The following MAGI2 variants were observed in gnomAD, a reference collection of about 807,000 sequenced individuals.
MAGI2 encodes membrane associated guanylate kinase, WW and PDZ domain containing 2.
MAGI2 carries 35 observed loss-of-function variants against 133.3 expected under a neutral mutation model. That is an observed-to-expected ratio of 0.26 (90% CI 0.20 to 0.35). MAGI2 has a LOEUF of 0.35. MAGI2 is among the 10% of genes least tolerant of loss of function. MAGI2 has a pLI of 1.00. For synonymous variants in MAGI2, 729 were observed against 710.6 expected (o/e 1.03, Z -0.41); for missense variants, 1,636 against 1,863.4 (o/e 0.88, Z 2.25).
At chr7:78,231,139 T>G (rs1032985805) in intron 10 of MAGI2, among the ~76,000 whole-genome samples, 33 of 152,310 alleles carry the variant, frequency 2.2e-4, no homozygotes, top group African/African-American at 7.7e-4. Flanking sequence ...TAAAGTGGGA[T>G]GCAAAATGAC....
chr7:78,390,393 A>T (rs1795791026), intron 6 of MAGI2, among the ~76,000 whole-genome samples: 2 of 152,204 alleles, frequency 1.3e-5, no homozygotes, highest in South Asian at 4.1e-4. Context: ...TTCACTGGTA[A>T]TGAATTTGAA....
chr7:78,600,998 T>A (rs1009950806), intron 3 of MAGI2, among the ~76,000 whole-genome samples: 10 of 152,298 alleles, frequency 6.6e-5, no homozygotes, highest in African/African-American at 2.2e-4. Context: ...ACTTAACTTT[T>A]AAAAATATGT....
In MAGI2 at chr7:78,521,429, C is replaced by G; in HGVS notation, c.754+1G>C. 1 of 1,612,336 alleles carries G rather than the reference C, an allele frequency of 6.2e-7. No individual in the cohort carries two copies. The highest frequency in any genetic ancestry group is 1.1e-5 in the South Asian group (1 of 91,006). On this transcript the variant is annotated splice_donor_variant, in intron 4 of 21. Transcript: ENST00000354212. LOFTEE classifies it high-confidence loss of function. ...AGCCATAAAAAATGTAAATGACTAACCTGGTGTTACTACTACTCCATTTCC... is the reference window on the plus strand; with the variant it reads ...AGCCATAAAAAATGTAAATGACTAAGCTGGTGTTACTACTACTCCATTTCC...
intron 2 of MAGI2, among the ~76,000 whole-genome samples, chr7:78,983,455 G>C (rs553903904): frequency 4.0e-5 from 6 of 151,858 alleles, no homozygotes; most frequent in African/African-American, 1.4e-4. Flanking sequence ...AGAGTAGAAT[G>C]TTCTCTTTGG....
chr7:78,211,898 T>C (rs1787799634), intron 10 of MAGI2, among the ~76,000 whole-genome samples: 1 of 152,200 alleles, frequency 6.6e-6, no homozygotes, highest in African/African-American at 2.4e-5. Flanking sequence ...TCAATCACTG[T>C]TTTCATCCCA....
At chr7:79,343,476 G>A (rs1196374232) in intron 1 of MAGI2, 1 of 151,824 alleles carries the variant, frequency 6.6e-6, no homozygotes, top group Admixed American at 6.6e-5. Flanking sequence ...CTAAGTGGAG[G>A]AATATGAAGG....
chr7:78,934,393 C>G (rs916755977), intron 2 of MAGI2, among the ~76,000 whole-genome samples: 1 of 152,120 alleles, frequency 6.6e-6, no homozygotes, highest in Non-Finnish European at 1.5e-5. Context: ...CCTGAGCTAC[C>G]GTGCCCGGCC....
intron 1 of MAGI2, among the ~76,000 whole-genome samples, chr7:79,214,134 C>CTT (rs1829751537): frequency 6.6e-6 from 1 of 151,604 alleles, no homozygotes; most frequent in African/African-American, 2.4e-5. Flanking sequence ...ACTTAATATA[C>CTT]TTTAAATACA....
intron 10 of MAGI2, among the ~76,000 whole-genome samples, chr7:78,213,685 G>A (rs374024852): frequency 6.6e-6 from 1 of 152,190 alleles, no homozygotes; most frequent in East Asian, 1.9e-4. Context: ...ATGTCAAGCT[G>A]TAACCAATCT....
intron 1 of MAGI2, among the ~76,000 whole-genome samples, chr7:79,340,664 AGTT>A (rs1378526132): frequency 1.3e-5 from 2 of 152,018 alleles, no homozygotes; most frequent in Non-Finnish European, 2.9e-5. Flanking sequence ...CTATTGGAAG[AGTT>A]GTTTTTTCCT....
chr7:78,189,347 C>T (rs960528187), intron 12 of MAGI2, among the ~76,000 whole-genome samples: 2 of 152,080 alleles, frequency 1.3e-5, no homozygotes, highest in Admixed American at 6.6e-5. Flanking sequence ...CTTGAACTGG[C>T]GTGTGATCAC....
Position 78,996,233 on chromosome 7 carries a change from A to C in MAGI2, c.418+10857T>G, listed in dbSNP as rs12666853. Among the ~76,000 whole-genome samples the C allele has an allele frequency of 6.5e-4, 99 of 152,056 alleles. 1 individual carries two copies. In the East Asian group the frequency reaches 0.018, roughly 27 times the overall value. ...GTAGTTTTTTTCATCAGTGTCAACA[A>C]ATTAAAAAGATAAGAAGAGCTGAGG... On this transcript the variant is annotated intron_variant, in intron 2 of 21. Coordinates refer to ENST00000354212, the MANE Select transcript of MAGI2 (RefSeq NM_012301.4).
At chr7:78,687,764 T>C (rs930717607) in intron 2 of MAGI2, among the ~76,000 whole-genome samples, 19 of 149,040 alleles carry the variant, frequency 1.3e-4, no homozygotes, top group Admixed American at 2.7e-4. Context: ...AGGCGAGGAG[T>C]TCAAGACCAG....
At chr7:78,845,895 G>A (rs1792561101) in intron 2 of MAGI2, among the ~76,000 whole-genome samples, 1 of 151,874 alleles carries the variant, frequency 6.6e-6, no homozygotes, top group South Asian at 2.1e-4. Context: ...CAGGTGTACA[G>A]TAGGGCAACG....
chr7:78,069,022 C>G (rs1352118971), intron 21 of MAGI2, among the ~76,000 whole-genome samples: 1 of 152,184 alleles, frequency 6.6e-6, no homozygotes, highest in Non-Finnish European at 1.5e-5. Flanking sequence ...TTGTGAACTA[C>G]AGGGCCAGAC....
chr7:78,184,815 TA>T (rs1827529672), intron 13 of MAGI2, among the ~76,000 whole-genome samples: 10 of 152,234 alleles, frequency 6.6e-5, no homozygotes, highest in Admixed American at 6.5e-4. Context: ...CTCTTAAAAT[TA>T]AAATATGATA....
intron 3 of MAGI2, among the ~76,000 whole-genome samples, chr7:78,566,898 G>T (rs1272035278): frequency 2.6e-5 from 4 of 152,022 alleles, no homozygotes; most frequent in African/African-American, 9.7e-5. Context: ...CTAAATCACA[G>T]GCTGAGATTT....
intron 1 of MAGI2, among the ~76,000 whole-genome samples, chr7:79,330,611 AC>A (rs959161506): frequency 4.2e-4 from 64 of 152,206 alleles, no homozygotes; most frequent in African/African-American, 1.5e-3. Context: ...AGTAGTAGTT[AC>A]ATGTATGGGT....
intron 1 of MAGI2, among the ~76,000 whole-genome samples, chr7:79,014,712 T>C (rs1013578215): frequency 6.6e-6 from 1 of 152,160 alleles, no homozygotes; most frequent in African/African-American, 2.4e-5. Flanking sequence ...GAGTTTAAAA[T>C]TATTGAAGGT....
Sources: gnomAD v4.1 joint callset for allele counts (sites outside exome capture counted in the v4.1 genomes callset) on GRCh38, gnomAD v4.1.1 for gene constraint, MANE v1.5 for transcripts, NCBI Gene and HGNC (gene_info 2026-07-23, HGNC 2026-07-21) for gene names.